Variants in SLC35F4 observed in about 807,000 individuals in gnomAD.
SLC35F4 encodes solute carrier family 35 member F4.
A neutral mutation model predicts 44.2 loss-of-function variants in SLC35F4; 24 were observed. That is an observed-to-expected ratio of 0.54 (90% CI 0.39 to 0.76). The LOEUF (loss-of-function observed/expected upper bound fraction) is 0.76, where lower values mean the gene tolerates loss of function less well. Ranked by LOEUF, SLC35F4 falls within the 30% of genes least tolerant of loss-of-function variation. The pLI is 0.00. For synonymous variants in SLC35F4, 238 were observed against 223.6 expected, an observed-to-expected ratio of 1.06 and a Z score of -0.57; for missense variants, 562 against 586.1, an observed-to-expected ratio of 0.96 and a Z score of 0.42.
intron 1 of SLC35F4, among the ~76,000 whole-genome samples, chr14:57,654,978 T>C (rs2073913231): frequency 6.6e-6 from 1 of 152,162 alleles, no homozygotes; most frequent in Non-Finnish European, 1.5e-5. Context: ...AGGTGTGTCA[T>C]AGCTTTTGAT....
rs570504020 is a variant in SLC35F4 at position 57,877,313 on chromosome 14, T to C, written n.282+104600A>G. ...CTTAGGGTAATAGCCTCCATCCATG[T>C]TGTTGCAAAAGACATAATCTTGTTC... is the stretch of plus-strand genomic sequence containing the variant. On this transcript the variant is annotated intron_variant and non_coding_transcript_variant, in intron 1 of 1. Coordinates refer to the SLC35F4 transcript ENST00000556568. 8.5e-5 allele frequency among the ~76,000 whole-genome samples: 13 copies of C among 152,302 alleles called. No individual in the cohort carries two copies. In the South Asian group the frequency reaches 2.7e-3, roughly 32 times the overall value.
chr14:57,680,681 C>T (rs1477979141), intron 1 of SLC35F4, among the ~76,000 whole-genome samples: 1 of 152,120 alleles, frequency 6.6e-6, no homozygotes, highest in Non-Finnish European at 1.5e-5. Flanking sequence ...TCTCAGGATA[C>T]AAAATCCATG....
At chr14:57,865,060 C>G (rs1025633132) in intron 1 of SLC35F4, among the ~76,000 whole-genome samples, 2 of 3,808 alleles carry the variant, frequency 5.3e-4, no homozygotes, top group Admixed American at 4.0e-3. Flanking sequence ...CTTCTCAGAC[C>G]CCCCCCCCCC....
chr14:57,974,846 A>G (rs942493175), downstream of SLC35F4, among the ~76,000 whole-genome samples: 12 of 152,246 alleles, frequency 7.9e-5, no homozygotes, highest in Non-Finnish European at 1.3e-4. Context: ...TAAGTACCTT[A>G]TAAGAATTCA....
rs1416897862 is a variant in SLC35F4, at chr14:57,656,374, TATAC to T, written c.104-62254_104-62251del. 1.9e-3 allele frequency among the ~76,000 whole-genome samples: 235 copies of T among 125,760 alleles called. 1 individual carries two copies. The highest frequency in any genetic ancestry group is 2.4e-3 in the African/African-American group (87 of 35,534). The allele number at this position is 125,760 out of a possible 152,430, so 82.5% of individuals were successfully genotyped here. On this transcript the variant is annotated intron_variant, in intron 1 of 7. Transcript: ENST00000556826. ...TGTCCTTAGAGTATATATATATATA[TATAC>T]ACACACACACACACACACACACACA...
chr14:57,773,849 T>A (rs1225279236), intron 1 of SLC35F4, among the ~76,000 whole-genome samples: 4 of 152,132 alleles, frequency 2.6e-5, no homozygotes, highest in Non-Finnish European at 4.4e-5. Context: ...CCTGAGAAAT[T>A]GGTATGCACT....
intron 1 of SLC35F4, among the ~76,000 whole-genome samples, chr14:57,690,390 A>T (rs549707750): frequency 7.9e-5 from 12 of 152,276 alleles, no homozygotes; most frequent in Admixed American, 5.9e-4. Context: ...ACTGGGCTAG[A>T]TTGAAGAGAG....
At chr14:57,800,930 G>A (rs1028955019) in intron 1 of SLC35F4, among the ~76,000 whole-genome samples, 2 of 152,172 alleles carry the variant, frequency 1.3e-5, no homozygotes, top group Non-Finnish European at 1.5e-5. Context: ...ATGGAACCAA[G>A]TTAGAAAACA....
At chr14:57,946,388 T>C (rs901618351) in intron 1 of SLC35F4, among the ~76,000 whole-genome samples, 6 of 152,218 alleles carry the variant, frequency 3.9e-5, no homozygotes, top group Middle Eastern at 3.4e-3. Flanking sequence ...GGGTGTCCTT[T>C]CTCCACTTTA....
chr14:57,787,697 A>C (rs1037148208), intron 1 of SLC35F4, among the ~76,000 whole-genome samples: 12 of 152,204 alleles, frequency 7.9e-5, no homozygotes, highest in Admixed American at 4.6e-4. Flanking sequence ...TTTTCCAGCC[A>C]AACAAATCCT....
chr14:57,642,692 T>C (rs943557995), intron 1 of SLC35F4, among the ~76,000 whole-genome samples: 4 of 151,974 alleles, frequency 2.6e-5, no homozygotes, highest in Non-Finnish European at 5.9e-5. Context: ...TGTACAGATA[T>C]GGTATATAGG....
intron 1 of SLC35F4, among the ~76,000 whole-genome samples, chr14:57,876,999 T>C (rs1425782053): frequency 6.6e-6 from 1 of 152,144 alleles, no homozygotes; most frequent in Non-Finnish European, 1.5e-5. Flanking sequence ...ATCTTTTTTT[T>C]TTCTTCTTTC....
At chr14:57,723,426 G>T (rs1213607206) in intron 1 of SLC35F4, among the ~76,000 whole-genome samples, 1 of 152,166 alleles carries the variant, frequency 6.6e-6, no homozygotes, top group Non-Finnish European at 1.5e-5. Flanking sequence ...AAAGATGCAG[G>T]GGTGGTGATT....
intron 1 of SLC35F4, among the ~76,000 whole-genome samples, chr14:57,826,266 G>A (rs1883752414): frequency 6.6e-6 from 1 of 152,150 alleles, no homozygotes; most frequent in African/African-American, 2.4e-5. Context: ...ATGGGGAAAG[G>A]ACATCCTATG....
At chr14:57,728,395 G>C (rs1321776941) in intron 1 of SLC35F4, among the ~76,000 whole-genome samples, 1 of 148,910 alleles carries the variant, frequency 6.7e-6, no homozygotes, top group African/African-American at 2.5e-5. Flanking sequence ...ACTGTTACCA[G>C]GGAGTTTTGT....
rs112145267 is a variant in SLC35F4, at chr14:57,743,989, A to C, written c.103+121734T>G. Among the ~76,000 whole-genome samples, 212 of 152,322 alleles carry C rather than the reference A, an allele frequency of 1.4e-3. 2 individuals carry two copies. Among genetic ancestry groups the C allele is most frequent in the Non-Finnish European group, 2.3e-3 (159 of 68,028 alleles). ...ACGACAAAAACCACGTGATTATCTC[A>C]ATAGACGCAGAAAAAGCCTTCAACA... is the stretch of plus-strand genomic sequence containing the variant. On this transcript the variant is annotated intron_variant, in intron 1 of 7. Transcript: ENST00000556826.
chr14:57,704,383 G>T (rs1229523470), intron 1 of SLC35F4, among the ~76,000 whole-genome samples: 1 of 152,130 alleles, frequency 6.6e-6, no homozygotes, highest in East Asian at 1.9e-4. Context: ...TATAGTAAGT[G>T]TCAATGGCCA....
chr14:57,899,567 C>CCACTGCTGGCT (rs1888954221), intron 1 of SLC35F4, among the ~76,000 whole-genome samples: 1 of 152,164 alleles, frequency 6.6e-6, no homozygotes, highest in Non-Finnish European at 1.5e-5. Context: ...CAGACGGATA[C>CCACTGCTGGCT]AGAATATCCG....
Position 57,661,237 on chromosome 14 carries a change from G to A in SLC35F4, c.104-67113C>T, listed in dbSNP as rs528639744. On this transcript the variant is annotated intron_variant, in intron 1 of 7. Transcript: ENST00000556826. ...TCAGTCACCTCCAAATTAATCAAGAGTTGTGGGGCACACAACTAATCATTG... is the reference window on the plus strand; with the variant it reads ...TCAGTCACCTCCAAATTAATCAAGAATTGTGGGGCACACAACTAATCATTG... Among the ~76,000 whole-genome samples the A allele has an allele frequency of 3.3e-5, 5 of 152,226 alleles. No homozygotes were observed. The East Asian group carries it at 9.7e-4, about 29-fold the overall frequency.
Sources: allele counts gnomAD v4.1 joint callset (sites outside exome capture counted in the v4.1 genomes callset), GRCh38; gene constraint gnomAD v4.1.1; transcripts MANE v1.5; gene names NCBI Gene and HGNC (gene_info 2026-07-23, HGNC 2026-07-21).